The following SLC25A26 variants were observed in gnomAD, a reference collection of about 807,000 sequenced individuals.
The protein encoded by SLC25A26 is solute carrier family 25 member 26, also known as mitochondrial S-adenosylmethionine carrier protein.
Under a neutral mutation model 37.8 loss-of-function variants are expected in SLC25A26, and 36 were observed. That is an observed-to-expected ratio of 0.95 (90% CI 0.73 to 1.26). SLC25A26 has a LOEUF of 1.26. Among genes scored for constraint, SLC25A26 ranks in the 50% most tolerant of loss-of-function variants. SLC25A26 has a pLI of 0.00. For missense variants in SLC25A26, 390 were observed against 331.1 expected, an observed-to-expected ratio of 1.18 and a Z score of -1.38; for synonymous variants, 129 against 122.5, an observed-to-expected ratio of 1.05 and a Z score of -0.35.
chr3:66,326,057 T>C (rs899361918), intron 5 of SLC25A26, among the ~76,000 whole-genome samples: 1 of 152,174 alleles, frequency 6.6e-6, no homozygotes, highest in Non-Finnish European at 1.5e-5. Context: ...TGCTAGCTTC[T>C]GAAGAGAAAT....
At chr3:66,365,156 C>T (rs187380314) in intron 7 of SLC25A26, among the ~76,000 whole-genome samples, 3 of 152,318 alleles carry the variant, frequency 2.0e-5, no homozygotes, top group Non-Finnish European at 2.9e-5. Flanking sequence ...TTAAAATACA[C>T]GCTGCACTTG....
intron 5 of SLC25A26, among the ~76,000 whole-genome samples, chr3:66,333,580 C>T (rs2076026202): frequency 6.6e-6 from 1 of 152,194 alleles, no homozygotes; most frequent in African/African-American, 2.4e-5. Flanking sequence ...TTATTCCCTT[C>T]ATCTTGACCC....
chr3:66,320,413 C>T (rs1191142456), intron 5 of SLC25A26, among the ~76,000 whole-genome samples: 2 of 152,238 alleles, frequency 1.3e-5, no homozygotes, highest in South Asian at 2.1e-4. Context: ...TAATGTTTAT[C>T]CATGTTGTAG....
chr3:66,292,649 C>T (rs1263920482), intron 5 of SLC25A26, among the ~76,000 whole-genome samples: 1 of 152,240 alleles, frequency 6.6e-6, no homozygotes, highest in Non-Finnish European at 1.5e-5. Flanking sequence ...TGTAGGGTTT[C>T]TGCAGAGAGA....
At chr3:66,314,628 G>A (rs751263284) in intron 5 of SLC25A26, among the ~76,000 whole-genome samples, 19 of 152,084 alleles carry the variant, frequency 1.2e-4, no homozygotes, top group Non-Finnish European at 1.6e-4. Flanking sequence ...TGATGCTGGC[G>A]TCATAGAATG....
intron 3 of SLC25A26, among the ~76,000 whole-genome samples, chr3:66,246,115 A>G (rs911624867): frequency 6.6e-6 from 1 of 152,200 alleles, no homozygotes; most frequent in African/African-American, 2.4e-5. Flanking sequence ...AGTGTTTTCC[A>G]GGTTCATCCG....
At chr3:66,308,515 C>G (rs1393929520) in intron 5 of SLC25A26, among the ~76,000 whole-genome samples, 4 of 152,194 alleles carry the variant, frequency 2.6e-5, no homozygotes, top group African/African-American at 7.2e-5. Flanking sequence ...CCTGATTGCC[C>G]TGGCCATAAC....
At chr3:66,368,173 A>C (rs990980814) in intron 7 of SLC25A26, among the ~76,000 whole-genome samples, 2 of 152,192 alleles carry the variant, frequency 1.3e-5, no homozygotes, top group Non-Finnish European at 2.9e-5. Flanking sequence ...GCGAGAAGGA[A>C]AGTAGTGCTA....
At chr3:66,186,493 C>T (rs2070830549) in intron 1 of SLC25A26, among the ~76,000 whole-genome samples, 1 of 152,052 alleles carries the variant, frequency 6.6e-6, no homozygotes, top group African/African-American at 2.4e-5. Flanking sequence ...CCCTGACCAG[C>T]ACTCTGACAT....
At chr3:66,231,462 GGTT>G (rs1295905379) in intron 1 of SLC25A26, among the ~76,000 whole-genome samples, 1 of 151,656 alleles carries the variant, frequency 6.6e-6, no homozygotes, top group Admixed American at 6.6e-5. Context: ...AAATTAACAA[GGTT>G]GTTTAAAAAA....
intron 1 of SLC25A26, among the ~76,000 whole-genome samples, chr3:66,169,121 T>C (rs1177773356): frequency 6.6e-6 from 1 of 152,186 alleles, no homozygotes; most frequent in Non-Finnish European, 1.5e-5. Flanking sequence ...CAAGACCCTG[T>C]GTCTAAAAGA....
At chr3:66,317,803 G>C (rs541178508) in intron 5 of SLC25A26, among the ~76,000 whole-genome samples, 1 of 152,286 alleles carries the variant, frequency 6.6e-6, no homozygotes, top group African/African-American at 2.4e-5. Flanking sequence ...TAAACCCCTG[G>C]CTGGGGATGC....
At chr3:66,286,549 A>G (rs1479187757) in intron 5 of SLC25A26, among the ~76,000 whole-genome samples, 1 of 152,048 alleles carries the variant, frequency 6.6e-6, no homozygotes, top group Non-Finnish European at 1.5e-5. Context: ...ATATTAAGGA[A>G]TCTGTATATA....
intron 5 of SLC25A26, among the ~76,000 whole-genome samples, chr3:66,322,050 C>A (rs541675422): frequency 3.3e-5 from 5 of 152,192 alleles, no homozygotes; most frequent in South Asian, 2.1e-4. Context: ...TCAACACTGC[C>A]ACATTGGGGA....
chr3:66,322,097 C>G (rs2075710231), intron 5 of SLC25A26, among the ~76,000 whole-genome samples: 1 of 152,084 alleles, frequency 6.6e-6, no homozygotes, highest in Non-Finnish European at 1.5e-5. Context: ...GGGACACATT[C>G]AAATCATAGC....
At chr3:66,242,185 C>T (rs1484028995) in intron 2 of SLC25A26, among the ~76,000 whole-genome samples, 1 of 152,162 alleles carries the variant, frequency 6.6e-6, no homozygotes, top group African/African-American at 2.4e-5. Context: ...TGTCTCTCTC[C>T]CTTTTCTTGG....
Position 66,236,653 on chromosome 3 carries a change from G to A in SLC25A26, c.143G>A (p.Gly48Glu). ...TTTAGTAAGGCTGGTGGTTTTCATG[G>A]AATATATGCTGGCGTTCCTTCTGCT... ...QGFSKAGGFH[G>E]IYAGVPSAAI... The change falls in exon 2 of 10, where the codon GGA becomes GAA. Residue 48 changes from glycine to glutamate, a missense_variant. Gly to Glu is a moderately conservative substitution (Grantham distance 98, BLOSUM62 -2). Coordinates refer to ENST00000354883, the MANE Select transcript of SLC25A26 (RefSeq NM_001379210.1). 1 of 1,528,758 alleles carries A rather than the reference G, an allele frequency of 6.5e-7. No homozygotes were observed. Among genetic ancestry groups the A allele is most frequent in the Non-Finnish European group, 8.8e-7 (1 of 1,141,168 alleles). 94.7% of individuals were successfully genotyped at this position (1,528,758 alleles called of 1,614,324 possible).
chr3:66,157,178 G>A (rs1220102284), intron 1 of SLC25A26, among the ~76,000 whole-genome samples: 1 of 152,200 alleles, frequency 6.6e-6, no homozygotes, highest in Non-Finnish European at 1.5e-5. Context: ...AGGCTTCAGT[G>A]AGCCATGATG....
intron 5 of SLC25A26, among the ~76,000 whole-genome samples, chr3:66,281,311 A>G (rs528319468): frequency 1.3e-5 from 2 of 152,190 alleles, no homozygotes; most frequent in African/African-American, 4.8e-5. Context: ...TAAAGGTTCA[A>G]TTATCCTTTG....
Sources: gnomAD v4.1 joint callset for allele counts (sites outside exome capture counted in the v4.1 genomes callset) on GRCh38, gnomAD v4.1.1 for gene constraint, MANE v1.5 for transcripts, NCBI Gene and HGNC (gene_info 2026-07-23, HGNC 2026-07-21) for gene names.